The following DCAF8L2 variants were observed in gnomAD, a reference collection of about 807,000 sequenced individuals.
The protein encoded by DCAF8L2 is DDB1- and CUL4-associated factor 8-like protein 2.
For synonymous variants in DCAF8L2, 200 were observed against 190.9 expected (o/e 1.05, Z -0.39); for missense variants, 430 against 490.7 (o/e 0.88, Z 1.17).
chrX:27,494,325 G>A, the DCAF8L2 span, among the ~76,000 whole-genome samples: 1 of 111,237 alleles, frequency 9.0e-6, no homozygotes, highest in Non-Finnish European at 1.9e-5. Flanking sequence ...AGAATCGCTT[G>A]AACCTGAGAG....
At chrX:27,701,790 C>G (rs1465499630) in intron 3 of DCAF8L2, among the ~76,000 whole-genome samples, 1 of 110,229 alleles carries the variant, frequency 9.1e-6, no homozygotes, top group African/African-American at 3.3e-5. Context: ...TAAACTTCCA[C>G]ATTGAGAAAC....
the DCAF8L2 span, among the ~76,000 whole-genome samples, chrX:27,510,024 C>G: frequency 1.1e-4 from 12 of 111,156 alleles, no homozygotes; most frequent in East Asian, 2.3e-3. Flanking sequence ...ATCAAAAAGC[C>G]CAAATTCTAT....
intron 3 of DCAF8L2, among the ~76,000 whole-genome samples, chrX:27,704,253 T>C (rs1297983321): frequency 8.3e-5 from 7 of 84,341 alleles, no homozygotes; most frequent in African/African-American, 3.7e-4. Flanking sequence ...CACATACGTA[T>C]GTACGTATAT....
the DCAF8L2 span, among the ~76,000 whole-genome samples, chrX:27,472,203 T>A: frequency 9.0e-6 from 1 of 111,435 alleles, no homozygotes; most frequent in African/African-American, 3.3e-5. Flanking sequence ...CGTTATAAAA[T>A]CATCAAGTTA....
chrX:27,502,655 A>G, the DCAF8L2 span, among the ~76,000 whole-genome samples: 96 of 109,869 alleles, frequency 8.7e-4, no homozygotes, highest in South Asian at 1.2e-3. Context: ...CTTAAAATCT[A>G]TGTTTAAAAC....
At chrX:27,571,417 T>C in the DCAF8L2 span, among the ~76,000 whole-genome samples, 2 of 111,687 alleles carry the variant, frequency 1.8e-5, no homozygotes, top group Non-Finnish European at 3.8e-5. Flanking sequence ...TAACTAAGAC[T>C]TTTATAATCA....
the DCAF8L2 span, chrX:27,518,771 A>T: frequency 3.2e-6 from 1 of 315,538 alleles, no homozygotes; most frequent in Non-Finnish European, 5.7e-6. Context: ...TAAAATAAAT[A>T]TAAGAATAAA....
the DCAF8L2 span, among the ~76,000 whole-genome samples, chrX:27,505,602 T>C: frequency 9.0e-6 from 1 of 111,658 alleles, no homozygotes; most frequent in East Asian, 2.8e-4. Context: ...GATCCTTGTT[T>C]CCTGGTACTC....
chrX:27,533,320 C>A, the DCAF8L2 span, among the ~76,000 whole-genome samples: 5 of 109,404 alleles, frequency 4.6e-5, no homozygotes, highest in Non-Finnish European at 7.6e-5. Flanking sequence ...GCAGGAGGAT[C>A]ACTTGAACCC....
rs184466705 is a variant in DCAF8L2 at position 27,719,697 on chromosome X, A to G, written c.-59+3526A>G. Among the ~76,000 whole-genome samples the G allele has an allele frequency of 4.7e-3, 519 of 111,420 alleles. 2 individuals carry two copies. The highest frequency in any genetic ancestry group is 0.015 in the African/African-American group (475 of 30,668). ...TGACCTCAAGTGATCCGCACACCTC[A>G]GCCTCCCAAAGTGCTGGGATAACAG... On this transcript the variant is annotated intron_variant, in intron 4 of 4. Coordinates refer to ENST00000451261, the MANE Select transcript of DCAF8L2 (RefSeq NM_001353450.2).
chrX:27,709,216 G>A (rs1257488524), intron 3 of DCAF8L2, among the ~76,000 whole-genome samples: 4 of 111,989 alleles, frequency 3.6e-5, no homozygotes, highest in East Asian at 2.8e-4. Context: ...CACCGCGCCC[G>A]ACCAGTTCCA....
At chrX:27,668,718 C>T (rs746642780) in intron 2 of DCAF8L2, among the ~76,000 whole-genome samples, 1 of 111,604 alleles carries the variant, frequency 9.0e-6, no homozygotes, top group African/African-American at 3.3e-5. Context: ...TTTGGGAGGC[C>T]GAGGCAGGCG....
Position 27,748,404 on chromosome X carries a change from A to G in DCAF8L2, c.1509A>G (p.Gln503=). Residue 503 remains glutamine, a synonymous_variant, in exon 5 of 5, where the codon CAA becomes CAG. Transcript: ENST00000451261. ...TCTTCTGGGAGAAATCATCCTGCCA[A>G]ATCATCCAGTTCCTAAAGGGGAGCA... ...HIFFWEKSSC[Q]IIQFLKGSRE... is the part of the protein sequence containing the mutation. The G allele has an allele frequency of 8.3e-7, 1 of 1,202,639 alleles. No individual in the cohort carries two copies. Among genetic ancestry groups the G allele is most frequent in the Non-Finnish European group, 1.1e-6 (1 of 890,261 alleles).
intron 2 of DCAF8L2, among the ~76,000 whole-genome samples, chrX:27,651,583 C>T (rs1477740427): frequency 2.0e-5 from 2 of 100,230 alleles, no homozygotes; most frequent in African/African-American, 3.7e-5. Context: ...GATCTCGGCT[C>T]ACTGCAAGCT....
intron 1 of DCAF8L2, among the ~76,000 whole-genome samples, chrX:27,614,699 T>A (rs984339433): frequency 3.6e-4 from 40 of 111,792 alleles, no homozygotes; most frequent in African/African-American, 1.3e-3. Flanking sequence ...TCTGCCTTCA[T>A]TTCGTTATGT....
rs768103245 is a variant in DCAF8L2, at chrX:27,748,654, G to A, written c.1759G>A (p.Val587Met). The A allele has an allele frequency of 7.5e-6, 9 of 1,196,000 alleles. No individual in the cohort carries two copies. The highest frequency in any genetic ancestry group is 3.0e-5 in the East Asian group (1 of 33,417). Residue 587 changes from valine (V) to methionine (M), a missense_variant, in exon 5 of 5, where the codon GTG (valine) becomes ATG (methionine). Physicochemically the swap from Val to Met is conservative, Grantham distance 21 (BLOSUM62 1). Transcript: ENST00000451261. ...QYMLWFLLRHVTQRGRHQDWR... is the reference protein window; with the variant it reads ...QYMLWFLLRHMTQRGRHQDWR... ...CATGCTTTGGTTCCTCCTGCGTCAC[G>A]TGACGCAGAGAGGTCGTCACCAGGA...
At chrX:27,547,841 C>T in the DCAF8L2 span, among the ~76,000 whole-genome samples, 5 of 91,409 alleles carry the variant, frequency 5.5e-5, no homozygotes, top group Admixed American at 3.6e-4. Flanking sequence ...CTCTCTCTCT[C>T]TCTTTCTCTC....
chrX:27,579,095 G>C, the DCAF8L2 span, among the ~76,000 whole-genome samples: 2 of 111,741 alleles, frequency 1.8e-5, no homozygotes, highest in African/African-American at 3.3e-5. Context: ...CTATTATAAA[G>C]ATATGTGTAC....
At chrX:27,521,004 GTAAGTA>G in the DCAF8L2 span, among the ~76,000 whole-genome samples, 1 of 112,041 alleles carries the variant, frequency 8.9e-6, no homozygotes, top group African/African-American at 3.2e-5. Flanking sequence ...AGTTGGCAGT[GTAAGTA>G]TAAGTTTCCA....
Sources: allele counts gnomAD v4.1 joint callset (sites outside exome capture counted in the v4.1 genomes callset), GRCh38; gene constraint gnomAD v4.1.1; transcripts MANE v1.5; gene names NCBI Gene and HGNC (gene_info 2026-07-23, HGNC 2026-07-21).